CLOCK: variants seen among roughly 807,000 people sequenced by gnomAD.
CLOCK encodes circadian locomoter output cycles protein kaput.
A neutral mutation model predicts 118.4 loss-of-function variants in CLOCK; 43 were observed. The observed-to-expected ratio is 0.36, with a 90% CI of 0.28 to 0.47. CLOCK has a LOEUF of 0.47. CLOCK is among the 20% of genes least tolerant of loss of function. The probability of loss-of-function intolerance (pLI) is 1.00; values close to 1 mark genes in which losing one functional copy is unlikely to be tolerated. For synonymous variants in CLOCK, 326 were observed against 339.2 expected, an observed-to-expected ratio of 0.96 and a Z score of 0.43; for missense variants, 846 against 999.9, an observed-to-expected ratio of 0.85 and a Z score of 2.08.
chr4:55,446,101 CTTTT>C (rs766235766), intron 18 of CLOCK, among the ~76,000 whole-genome samples: 16 of 107,344 alleles, frequency 1.5e-4, no homozygotes, highest in Admixed American at 2.0e-4. Context: ...AATTTAACTT[CTTTT>C]TTTTTTTTTT....
rs1723425977 is a variant in CLOCK at position 55,442,211 on chromosome 4, A to AG, written c.2105+220dup. The AG allele has an allele frequency of 2.2e-5, 12 of 546,044 alleles. No homozygotes were observed. The East Asian group carries it at 3.8e-4, about 17-fold the overall frequency. 33.8% of individuals were successfully genotyped at this position (546,044 alleles called of 1,614,324 possible). ...GAATTTGTATTCTATAATATTTTGT[A>AG]GCATATTTTTGGACAAGAAAAAAAA... On this transcript the variant is annotated intron_variant, in intron 21 of 22. Coordinates refer to ENST00000513440, the MANE Select transcript of CLOCK (RefSeq NM_004898.4).
intron 9 of CLOCK, among the ~76,000 whole-genome samples, chr4:55,460,526 A>G (rs1577721080): frequency 6.6e-6 from 1 of 152,136 alleles, no homozygotes; most frequent in East Asian, 1.9e-4. Flanking sequence ...CAAGTCCCAA[A>G]CCTAATCTGT....
rs1204557963 is a variant in CLOCK at position 55,434,509 on chromosome 4, A to G, written c.*906T>C. On this transcript the variant is annotated 3_prime_UTR_variant, in exon 23 of 23. Transcript: ENST00000513440. ...CCTAAAATAAAGCAGTGCAAATCCTATTTTCAAACATAATTGAAAAATAAT... is the reference window on the plus strand; with the variant it reads ...CCTAAAATAAAGCAGTGCAAATCCTGTTTTCAAACATAATTGAAAAATAAT... 1 of 152,566 alleles carries G rather than the reference A, an allele frequency of 6.6e-6. No individual in the cohort carries two copies. Among genetic ancestry groups the G allele is most frequent in the Non-Finnish European group, 1.5e-5 (1 of 68,034 alleles). The allele number at this position is 152,566 out of a possible 1,614,324, so 9.5% of individuals were successfully genotyped here.
At chr4:55,470,047 T>G (rs1726023105) in intron 8 of CLOCK, among the ~76,000 whole-genome samples, 1 of 152,154 alleles carries the variant, frequency 6.6e-6, no homozygotes, top group Non-Finnish European at 1.5e-5. Flanking sequence ...AAAGTTATAA[T>G]AAGCTAAGGC....
rs776663661 is a variant in CLOCK at position 55,449,580 on chromosome 4, T to C, written c.1349-84A>G. 5.1e-6 allele frequency: 6 copies of C among 1,178,556 alleles called. No homozygotes were observed. The African/African-American group carries it at 9.2e-5, about 18-fold the overall frequency. The allele number at this position is 1,178,556 out of a possible 1,614,324, so 73.0% of individuals were successfully genotyped here. A position where few individuals can be genotyped will look rare whatever the true frequency, so the allele number is the denominator to read the frequency against. ...TAATCTCAAAATGTATTTCAGTTAA[T>C]AAAAATGGCTTTTGAATTATTTTTC... is the stretch of plus-strand genomic sequence containing the variant. On this transcript the variant is annotated intron_variant, in intron 16 of 22. Transcript: ENST00000513440.
intron 2 of CLOCK, among the ~76,000 whole-genome samples, chr4:55,507,281 G>A (rs946084662): frequency 5.3e-5 from 8 of 151,932 alleles, no homozygotes; most frequent in East Asian, 3.9e-4. Flanking sequence ...GCACTCTGGC[G>A]TGGGTGACAG....
rs186668389 is a variant in CLOCK, at chr4:55,444,007, A to C, written c.1693-111T>G. ...AAGTATGTTTAAAAAGCAAGTAACA[A>C]GGCTAAGTCACTTTGAAGAATTAGC... On this transcript the variant is annotated intron_variant, in intron 19 of 22. Transcript: ENST00000513440. 2.1e-5 allele frequency: 18 copies of C among 855,030 alleles called. No individual in the cohort carries two copies. The African/African-American group carries it at 2.7e-4, about 13-fold the overall frequency. The allele number at this position is 855,030 out of a possible 1,614,324, so 53.0% of individuals were successfully genotyped here. A position where few individuals can be genotyped will look rare whatever the true frequency, so the allele number is the denominator to read the frequency against.
chr4:55,507,187 C>T (rs768413607), intron 2 of CLOCK, among the ~76,000 whole-genome samples: 27 of 152,064 alleles, frequency 1.8e-4, no homozygotes, highest in Non-Finnish European at 3.1e-4. Flanking sequence ...TGGTGGTATG[C>T]ACCTATAGTC....
rs994971996 is a variant in CLOCK, at chr4:55,432,032, A to G, written c.*3383T>C. ...TTCACTATTTTGCACTGAATGTTCT[A>G]TAACAAACTATTCCAAATCACTGGC... On this transcript the variant is annotated 3_prime_UTR_variant, in exon 23 of 23. Transcript: ENST00000513440. 6.6e-6 allele frequency: 1 copy of G among 152,224 alleles called. No homozygotes were observed. Among genetic ancestry groups the G allele is most frequent in the Non-Finnish European group, 1.5e-5 (1 of 68,046 alleles). 9.4% of individuals were successfully genotyped at this position (152,224 alleles called of 1,614,324 possible). A position where few individuals can be genotyped will look rare whatever the true frequency, so the allele number is the denominator to read the frequency against.
chr4:55,525,311 T>G (rs559957832), intron 1 of CLOCK, among the ~76,000 whole-genome samples: 1 of 151,828 alleles, frequency 6.6e-6, no homozygotes, highest in Non-Finnish European at 1.5e-5. Context: ...TTAGAAAAAA[T>G]TTTTAAAAAG....
In CLOCK at chr4:55,436,516, A is replaced by G. The variant is rs202103357; in HGVS notation, c.2362-922T>C. On this transcript the variant is annotated intron_variant, in intron 22 of 22. Transcript: ENST00000513440. ...TTTTTACAATGAAAGTCCTTTCCCC[A>G]TTACTGACAGTACAACTTGATGCAG... is the stretch of plus-strand genomic sequence containing the variant. 5.3e-5 allele frequency among the ~76,000 whole-genome samples: 8 copies of G among 152,322 alleles called. No individual in the cohort carries two copies. In the East Asian group the frequency reaches 1.3e-3, roughly 26 times the overall value.
chr4:55,497,598 G>A (rs1270579722), intron 2 of CLOCK, among the ~76,000 whole-genome samples: 1 of 152,168 alleles, frequency 6.6e-6, no homozygotes, highest in Non-Finnish European at 1.5e-5. Context: ...ACAGTACTAT[G>A]CCAGTAGTTC....
chr4:55,524,682 G>A (rs955931176), intron 1 of CLOCK, among the ~76,000 whole-genome samples: 3 of 152,088 alleles, frequency 2.0e-5, no homozygotes, highest in African/African-American at 7.2e-5. Context: ...ATGGTCCAGT[G>A]ATTCACATGA....
chr4:55,500,167 T>C (rs1418785809), intron 2 of CLOCK, among the ~76,000 whole-genome samples: 1 of 152,112 alleles, frequency 6.6e-6, no homozygotes, highest in East Asian at 1.9e-4. Flanking sequence ...CAGCCTACCA[T>C]TTGGTTAAAG....
Position 55,433,656 on chromosome 4 carries a change from A to G in CLOCK, c.*1759T>C, listed in dbSNP as rs1229641710. On this transcript the variant is annotated 3_prime_UTR_variant, in exon 23 of 23. Transcript: ENST00000513440. ...CCTTTCCTCAGTAATAACATTTTTT[A>G]TATTCTAATAATGTATTTTCTACTA... 1 of 152,104 alleles carries G rather than the reference A, an allele frequency of 6.6e-6. No individual in the cohort carries two copies. Among genetic ancestry groups the G allele is most frequent in the Non-Finnish European group, 1.5e-5 (1 of 68,012 alleles). 9.4% of individuals were successfully genotyped at this position (152,104 alleles called of 1,614,324 possible). A position where few individuals can be genotyped will look rare whatever the true frequency, so the allele number is the denominator to read the frequency against.
intron 1 of CLOCK, among the ~76,000 whole-genome samples, chr4:55,530,300 TC>T (rs1430777775): frequency 1.3e-5 from 2 of 152,120 alleles, no homozygotes; most frequent in African/African-American, 4.8e-5. Context: ...CATCTTACCG[TC>T]TTGATGCTCA....
At chr4:55,453,234 G>T in intron 14 of CLOCK, 105 bp from the exon 15 acceptor site, 2 of 942,374 alleles carry the variant, frequency 2.1e-6, no homozygotes, top group East Asian at 2.5e-5. Context: ...TGTTCATCTA[G>T]ACTATTTGCT....
At position 55,476,012 on chromosome 4, in the gene CLOCK, C is replaced by G. The variant is rs535074397; in HGVS notation, c.299G>C (p.Trp100Ser). 1 of 1,613,112 alleles carries G rather than the reference C, an allele frequency of 6.2e-7. No homozygotes were observed. Among genetic ancestry groups the G allele is most frequent in the East Asian group, 2.2e-5 (1 of 44,846 alleles). ...TTCATTACTAAGGAATGTAGGTTTC[C>G]AGTCCTGTCGAATTTCACTAGCATC... ...QSDASEIRQD[W>S]KPTFLSNEEF... Residue 100 changes from tryptophan (W) to serine (S), a missense_variant, in exon 7 of 23, where the codon TGG becomes TCG. By Grantham distance (177) the Trp-to-Ser change is radical. Transcript: ENST00000513440.
rs1723453781 is a variant in CLOCK, at chr4:55,442,538, T to C, written c.1999A>G (p.Ile667Val). ...LTAPLYNTMV[I>V]SQPAAGSMVQ... ...ATGCTTCCGGCTGCAGGCTGAGAAA[T>C]CACCATAGTGTTATACAGTGGGGCT... The change falls in exon 21 of 23, where the codon ATT becomes GTT. Residue 667 changes from isoleucine to valine, a missense_variant. Coordinates refer to ENST00000513440, the MANE Select transcript of CLOCK (RefSeq NM_004898.4). The C allele has an allele frequency of 1.2e-6, 2 of 1,610,580 alleles. No individual in the cohort carries two copies. Among genetic ancestry groups the C allele is most frequent in the Non-Finnish European group, 8.5e-7 (1 of 1,179,440 alleles).
Sources: gnomAD v4.1 joint callset for allele counts (sites outside exome capture counted in the v4.1 genomes callset) on GRCh38, gnomAD v4.1.1 for gene constraint, MANE v1.5 for transcripts, NCBI Gene and HGNC (gene_info 2026-07-23, HGNC 2026-07-21) for gene names.